CCDC158: variants seen among roughly 807,000 people sequenced by gnomAD.
The protein encoded by CCDC158 is coiled-coil domain containing 158.
Under a neutral mutation model 138.6 loss-of-function variants are expected in CCDC158, and 116 were observed. The observed-to-expected ratio is 0.84, with a 90% CI of 0.72 to 0.98. The LOEUF is 0.98. Ranked by LOEUF, CCDC158 falls within the 50% of genes least tolerant of loss-of-function variation. CCDC158 has a pLI of 0.00. For synonymous variants in CCDC158, 436 were observed against 442.4 expected (o/e 0.99, Z 0.18); for missense variants, 1,265 against 1,306.1 (o/e 0.97, Z 0.48).
chr4:76,398,938 A>C (rs1460941835), intron 3 of CCDC158, among the ~76,000 whole-genome samples: 1 of 152,164 alleles, frequency 6.6e-6, no homozygotes, highest in Admixed American at 6.5e-5. Flanking sequence ...AGATTAGTAA[A>C]AATACCTAAG....
intron 18 of CCDC158, among the ~76,000 whole-genome samples, chr4:76,340,752 T>C (rs1283486407): frequency 6.6e-6 from 1 of 152,146 alleles, no homozygotes; most frequent in Non-Finnish European, 1.5e-5. Context: ...TGTATAATTA[T>C]TCCATTATAT....
At chr4:76,335,328 A>G (rs1721381079) in intron 18 of CCDC158, among the ~76,000 whole-genome samples, 1 of 152,164 alleles carries the variant, frequency 6.6e-6, no homozygotes, top group Non-Finnish European at 1.5e-5. Flanking sequence ...TTAATAAAGA[A>G]AAACTTATCC....
At position 76,328,336 on chromosome 4, in the gene CCDC158, C is replaced by T. The variant is rs150959994; in HGVS notation, c.3010+564G>A. ...GGAACCAAATGGCTAAAGACATCTG[C>T]CCTTGCACAGCTCTTGTCTCACAGG... On this transcript the variant is annotated intron_variant, in intron 22 of 24. Coordinates refer to ENST00000682701, the MANE Select transcript of CCDC158 (RefSeq NM_001394954.1). Among the ~76,000 whole-genome samples, 695 of 152,336 alleles carry T rather than the reference C, an allele frequency of 4.6e-3. 5 individuals are homozygous for T. The highest frequency in any genetic ancestry group is 0.016 in the African/African-American group (662 of 41,570).
chr4:76,333,857 A>G, intron 19 of CCDC158, 153 bp downstream of exon 19: 1 of 467,038 alleles, frequency 2.1e-6, no homozygotes, highest in Non-Finnish European at 3.7e-6. Context: ...CATTTGCTTA[A>G]CTCCTCCATT....
rs192512613 is a variant in CCDC158, at chr4:76,381,032, A to G, written c.914+1578T>C. Among the ~76,000 whole-genome samples, 421 of 152,318 alleles carry G rather than the reference A, an allele frequency of 2.8e-3. 2 individuals are homozygous for G. Among genetic ancestry groups the G allele is most frequent in the African/African-American group, 9.2e-3 (382 of 41,564 alleles). The stretch of plus-strand genomic sequence containing the variant: ...TTGAGGTTTGGAAACCTCTGCCTAG[A>G]TTTCATAGCATGTATGGAAATGCCT... On this transcript the variant is annotated intron_variant, in intron 8 of 24. Coordinates refer to ENST00000682701, the MANE Select transcript of CCDC158 (RefSeq NM_001394954.1).
chr4:76,361,241 A>T (rs1208995776), intron 13 of CCDC158, among the ~76,000 whole-genome samples: 1 of 152,182 alleles, frequency 6.6e-6, no homozygotes, highest in African/African-American at 2.4e-5. Flanking sequence ...CAGAACTGTG[A>T]GTCAATTAAA....
At chr4:76,381,090 G>A (rs1560451248) in intron 8 of CCDC158, among the ~76,000 whole-genome samples, 1 of 152,216 alleles carries the variant, frequency 6.6e-6, no homozygotes, top group Non-Finnish European at 1.5e-5. Context: ...TGTAGGAGTA[G>A]AGCCCTCATG....
At chr4:76,325,275 G>A (rs904584082) in intron 23 of CCDC158, among the ~76,000 whole-genome samples, 2 of 152,126 alleles carry the variant, frequency 1.3e-5, no homozygotes, top group East Asian at 3.9e-4. Context: ...CTTACAAAAG[G>A]GAATGATGTC....
At chr4:76,416,332 T>C (rs1366346283) in intron 1 of CCDC158, among the ~76,000 whole-genome samples, 4 of 152,194 alleles carry the variant, frequency 2.6e-5, no homozygotes, top group Non-Finnish European at 4.4e-5. Flanking sequence ...GTCTTGGTTG[T>C]AGTGGTCCCC....
At chr4:76,336,206 A>C (rs1308328089) in intron 18 of CCDC158, among the ~76,000 whole-genome samples, 2 of 150,700 alleles carry the variant, frequency 1.3e-5, no homozygotes, top group African/African-American at 4.9e-5. Flanking sequence ...AAAAAAAAAA[A>C]AAACCATTCA....
chr4:76,385,190 A>T lies in CCDC158; in HGVS notation c.289-525T>A, dbSNP rs185838445. Among the ~76,000 whole-genome samples the T allele has an allele frequency of 1.4e-4, 22 of 152,318 alleles. No homozygotes were observed. In the East Asian group the frequency reaches 3.1e-3, roughly 21 times the overall value. ...GCCATACCTAATCCTCCCAAAGCAA[A>T]GCCATCAAATTCTGCCCATGAATAG... On this transcript the variant is annotated intron_variant, in intron 4 of 24. Transcript: ENST00000682701.
At chr4:76,351,304 A>G (rs773290786) in intron 17 of CCDC158, among the ~76,000 whole-genome samples, 183 bp from the exon 18 acceptor site, 1 of 70,086 alleles carries the variant, frequency 1.4e-5, no homozygotes, top group African/African-American at 3.4e-5. Context: ...TGTACGATTT[A>G]AAAAAAAAAC....
intron 18 of CCDC158, among the ~76,000 whole-genome samples, chr4:76,344,216 A>G (rs1474611097): frequency 1.3e-5 from 2 of 152,196 alleles, no homozygotes; most frequent in African/African-American, 2.4e-5. Context: ...AGTAATAGAC[A>G]AGCAGAGAGC....
At chr4:76,413,617 T>C (rs189374662) in intron 1 of CCDC158, among the ~76,000 whole-genome samples, 11 of 152,256 alleles carry the variant, frequency 7.2e-5, no homozygotes, top group Admixed American at 2.6e-4. Flanking sequence ...TGAATATATA[T>C]GTGGAGGGCT....
intron 14 of CCDC158, 134 bp downstream of exon 14, chr4:76,357,240 C>A: frequency 2.1e-6 from 1 of 487,074 alleles, no homozygotes; most frequent in Non-Finnish European, 3.4e-6. Flanking sequence ...TCATTAATAC[C>A]TACTATTGTA....
intron 1 of CCDC158, among the ~76,000 whole-genome samples, chr4:76,412,793 G>GT (rs945247498): frequency 6.6e-6 from 1 of 152,068 alleles, no homozygotes; most frequent in Non-Finnish European, 1.5e-5. Flanking sequence ...TCTAAATCAT[G>GT]TTTTTACAAC....
At chr4:76,323,657 T>C in intron 23 of CCDC158, among the ~76,000 whole-genome samples, 1 of 152,230 alleles carries the variant, frequency 6.6e-6, no homozygotes, top group East Asian at 1.9e-4. Context: ...CGATGTATCA[T>C]TATTTAACTA....
intron 9 of CCDC158, among the ~76,000 whole-genome samples, chr4:76,378,287 T>A (rs1560447520): frequency 6.6e-6 from 1 of 152,206 alleles, no homozygotes; most frequent in Non-Finnish European, 1.5e-5. Context: ...GGAGCTTTCC[T>A]CCATGTACTG....
intron 12 of CCDC158, among the ~76,000 whole-genome samples, chr4:76,366,727 A>G: frequency 6.6e-6 from 1 of 152,120 alleles, no homozygotes; most frequent in East Asian, 1.9e-4. Context: ...GAAGGAGACC[A>G]AAACAGGGGA....
Sources: gnomAD v4.1 joint callset for allele counts (sites outside exome capture counted in the v4.1 genomes callset) on GRCh38, gnomAD v4.1.1 for gene constraint, MANE v1.5 for transcripts, NCBI Gene and HGNC (gene_info 2026-07-23, HGNC 2026-07-21) for gene names.